The following C19orf38 variants were observed in gnomAD, a reference collection of about 807,000 sequenced individuals.
C19orf38 encodes protein HIDE1.
A neutral mutation model predicts 26.6 loss-of-function variants in C19orf38; 14 were observed. The observed-to-expected ratio is 0.53, with a 90% CI of 0.35 to 0.82. The LOEUF is 0.82. Ranked by LOEUF, C19orf38 falls within the 40% of genes least tolerant of loss-of-function variation. The pLI is 0.01. For synonymous variants in C19orf38, 132 were observed against 128.5 expected (o/e 1.03, Z -0.18); for missense variants, 261 against 299.5 (o/e 0.87, Z 0.95).
At chr19:10,837,503 C>CCT (rs2073443539) in intron 1 of C19orf38, among the ~76,000 whole-genome samples, 1 of 93,634 alleles carries the variant, frequency 1.1e-5, no homozygotes, top group Admixed American at 1.1e-4. Context: ...TTTTTTTTTC[C>CCT]TTTTTTTTTT....
At chr19:10,844,993 C>CAAAA (rs57500129), upstream of C19orf38, among the ~76,000 whole-genome samples, 28 of 95,830 alleles carry the variant, frequency 2.9e-4, no homozygotes, top group East Asian at 7.9e-3. Flanking sequence ...CCTTTCTCTA[C>CAAAA]AAAAAAAAAA....
At chr19:10,864,382 T>A (rs1456785178) in intron 6 of C19orf38, among the ~76,000 whole-genome samples, 1 of 151,816 alleles carries the variant, frequency 6.6e-6, no homozygotes, top group Non-Finnish European at 1.5e-5. Context: ...AAGTCTGAGA[T>A]GGGTGACAAG....
At chr19:10,853,918 T>TA (rs1162791732) in intron 2 of C19orf38, among the ~76,000 whole-genome samples, 2 of 149,316 alleles carry the variant, frequency 1.3e-5, no homozygotes, top group African/African-American at 5.0e-5. Flanking sequence ...TTTTTTTTTT[T>TA]AATTAGGAGG....
At chr19:10,861,892 G>A (rs1568338656) in intron 5 of C19orf38, among the ~76,000 whole-genome samples, 1 of 150,550 alleles carries the variant, frequency 6.6e-6, no homozygotes, top group Non-Finnish European at 1.5e-5. Flanking sequence ...TTTTGTTGTT[G>A]TTGTTTTTTG....
upstream of C19orf38, among the ~76,000 whole-genome samples, chr19:10,847,560 A>G (rs1321891568): frequency 1.3e-5 from 2 of 150,954 alleles, no homozygotes; most frequent in Non-Finnish European, 3.0e-5. Context: ...TATAGTAGAG[A>G]CGGGGTTTCA....
chr19:10,855,944 A>G, intron 2 of C19orf38, among the ~76,000 whole-genome samples: 1 of 152,132 alleles, frequency 6.6e-6, no homozygotes, highest in Non-Finnish European at 1.5e-5. Context: ...GATTACAGGC[A>G]TGAATCACCG....
chr19:10,865,179 T>C (rs922361958), intron 6 of C19orf38, among the ~76,000 whole-genome samples: 1 of 152,104 alleles, frequency 6.6e-6, no homozygotes, highest in Non-Finnish European at 1.5e-5. Context: ...TGAGATGGAG[T>C]CTTGCTCTGT....
chr19:10,864,539 G>A (rs991963402), intron 6 of C19orf38, among the ~76,000 whole-genome samples: 1 of 152,150 alleles, frequency 6.6e-6, no homozygotes, highest in African/African-American at 2.4e-5. Context: ...TCCCGGAAGG[G>A]TTCCTAGTAT....
chr19:10,839,171 C>A (rs955252327), intron 1 of C19orf38, among the ~76,000 whole-genome samples: 6 of 152,138 alleles, frequency 3.9e-5, no homozygotes, highest in African/African-American at 1.4e-4. Context: ...TCCCAAAGTG[C>A]TGGGATTACT....
chr19:10,841,783 G>T, intron 1 of C19orf38: 1 of 936,088 alleles, frequency 1.1e-6, no homozygotes. Context: ...GACTAGCCTG[G>T]GCAGCATAGT....
intron 1 of C19orf38, chr19:10,841,829 T>C: frequency 7.5e-7 from 1 of 1,332,444 alleles, no homozygotes. Context: ...TTTTAAAAAA[T>C]TAGCTGGGCA....
At chr19:10,858,941 T>G (rs1320158488) in intron 4 of C19orf38, among the ~76,000 whole-genome samples, 2 of 151,198 alleles carry the variant, frequency 1.3e-5, no homozygotes, top group African/African-American at 4.8e-5. Context: ...TATATGTTTT[T>G]TTTTTTTTTT....
At chr19:10,861,070 G>T (rs910982128) in intron 5 of C19orf38, among the ~76,000 whole-genome samples, 2 of 152,114 alleles carry the variant, frequency 1.3e-5, no homozygotes, top group African/African-American at 4.8e-5. Flanking sequence ...TTGAACCCAG[G>T]AGGCAGAGGT....
Position 10,856,271 on chromosome 19 carries a change from C to A in C19orf38, c.347C>A (p.Thr116Asn), listed in dbSNP as rs1043928821. The A allele has an allele frequency of 6.4e-7, 1 of 1,550,726 alleles. No individual in the cohort carries two copies. The highest frequency in any genetic ancestry group is 8.7e-7 in the Non-Finnish European group (1 of 1,146,278). Reference protein sequence around the residue: ...EPVNVSFPVPTWILVLSLSLA... With the variant: ...EPVNVSFPVPNWILVLSLSLA... ...TTTTCTGATTTTCCTCCAGTGCCCA[C>A]TTGGATCTTGGTGCTCTCCCTGAGC... Residue 116 changes from threonine to asparagine, a missense_variant, in exon 3 of 7, where the codon ACT becomes AAT. Coordinates refer to ENST00000397820, the MANE Select transcript of C19orf38 (RefSeq NM_001136482.3).
At chr19:10,867,549 C>T (rs968249007) in intron 6 of C19orf38, among the ~76,000 whole-genome samples, 2 of 141,724 alleles carry the variant, frequency 1.4e-5, no homozygotes, top group African/African-American at 2.6e-5. Context: ...ACCCAGGAGG[C>T]GGAGTTGCTG....
intron 3 of C19orf38, among the ~76,000 whole-genome samples, chr19:10,856,769 G>A (rs1347879491): frequency 1.3e-5 from 2 of 151,524 alleles, no homozygotes; most frequent in Admixed American, 1.3e-4. Context: ...CTCCCAAAGT[G>A]CTGGGATTAT....
chr19:10,846,687 C>T (rs960314307), upstream of C19orf38, among the ~76,000 whole-genome samples: 11 of 152,174 alleles, frequency 7.2e-5, no homozygotes, highest in Non-Finnish European at 1.3e-4. Context: ...AACATCACTA[C>T]AGACCCTACA....
upstream of C19orf38, among the ~76,000 whole-genome samples, chr19:10,847,586 C>T (rs527412412): frequency 2.5e-3 from 386 of 152,006 alleles, 1 homozygote; most frequent in African/African-American, 9.0e-3. Flanking sequence ...TTGGCCTGGT[C>T]TCGAACTCCT....
rs781383483 is a variant in C19orf38, at chr19:10,863,126, C to A, written c.506-44C>A. ...GGGATGGCAGGGAGCAGGGAAGTTA[C>A]AACTGGCCCCCAATCCTGGGTTTTC... is the stretch of plus-strand genomic sequence containing the variant. On this transcript the variant is annotated intron_variant, in intron 5 of 6. Coordinates refer to ENST00000397820, the MANE Select transcript of C19orf38 (RefSeq NM_001136482.3). 6 of 1,540,004 alleles carry A rather than the reference C, an allele frequency of 3.9e-6. No individual in the cohort carries two copies. In the South Asian group the frequency reaches 7.2e-5, roughly 18 times the overall value.
Sources: gnomAD v4.1 joint callset for allele counts (sites outside exome capture counted in the v4.1 genomes callset) on GRCh38, gnomAD v4.1.1 for gene constraint, MANE v1.5 for transcripts, NCBI Gene and HGNC (gene_info 2026-07-23, HGNC 2026-07-21) for gene names.